The following PHC2 variants were observed in gnomAD, a reference collection of about 807,000 sequenced individuals.
PHC2 encodes polyhomeotic homolog 2.
A neutral mutation model predicts 87.4 loss-of-function variants in PHC2; 29 were observed. The ratio of observed to expected loss-of-function variants is 0.33; its 90% CI spans 0.25 to 0.45. The LOEUF (loss-of-function observed/expected upper bound fraction) is 0.45. PHC2 is among the 20% of genes least tolerant of loss of function. The probability of loss-of-function intolerance (pLI) is 1.00; values close to 1 mark genes in which losing one functional copy is unlikely to be tolerated. For missense variants in PHC2, 857 were observed against 1,136.7 expected (o/e 0.75, Z 3.54); for synonymous variants, 438 against 461.7 (o/e 0.95, Z 0.66).
chr1:33,341,340 T>C (rs1291921469), intron 9 of PHC2, among the ~76,000 whole-genome samples: 2 of 152,202 alleles, frequency 1.3e-5, no homozygotes, highest in Non-Finnish European at 2.9e-5. Flanking sequence ...TAGCCGTGGA[T>C]AGCACGAGGG....
rs200111745 is a variant in PHC2, at chr1:33,335,996, G to GTTT, written c.1559-1707_1559-1705dup. ...TGTTTTTGTTGTTGTTGTTGTTGTT[G>GTTT]TTTTTTTTTTTAGATGGAGTCTCAC... On this transcript the variant is annotated intron_variant, in intron 9 of 14. Transcript: ENST00000683057. Among the ~76,000 whole-genome samples, 16 of 146,588 alleles carry GTTT rather than the reference G, an allele frequency of 1.1e-4. No individual in the cohort carries two copies. The East Asian group carries it at 2.8e-3, about 26-fold the overall frequency.
chr1:33,387,034 C>A (rs1648796737), intron 1 of PHC2, among the ~76,000 whole-genome samples: 1 of 152,220 alleles, frequency 6.6e-6, no homozygotes, highest in African/African-American at 2.4e-5. Flanking sequence ...ACACAGGGAT[C>A]ATGGGAAGTG....
intron 3 of PHC2, among the ~76,000 whole-genome samples, 176 bp from the exon 4 acceptor site, chr1:33,371,270 G>C (rs989199113): frequency 7.2e-5 from 11 of 152,270 alleles, no homozygotes; most frequent in African/African-American, 2.6e-4. Flanking sequence ...TCTGTGAATA[G>C]GTGAGGATGC....
At chr1:33,410,930 T>TA (rs1179627524) in intron 1 of PHC2, among the ~76,000 whole-genome samples, 1 of 152,218 alleles carries the variant, frequency 6.6e-6, no homozygotes. Flanking sequence ...GCAAGCATGA[T>TA]AAATCAAGGC....
chr1:33,373,895 G>A (rs1648009534), intron 2 of PHC2, among the ~76,000 whole-genome samples: 1 of 152,084 alleles, frequency 6.6e-6, no homozygotes. Context: ...GGACAAAACA[G>A]CCTCTGGCTC....
At chr1:33,354,654 A>G (rs1647034584) in intron 8 of PHC2, 88 bp from the exon 9 acceptor site, 2 of 1,436,160 alleles carry the variant, frequency 1.4e-6, no homozygotes, top group Non-Finnish European at 1.9e-6. Context: ...GAGCTTGGGA[A>G]GCAGGTAAGG....
chr1:33,334,399 C>G lies in PHC2; in HGVS notation c.1559-107G>C. The G allele has an allele frequency of 2.1e-6, 2 of 970,714 alleles. No individual in the cohort carries two copies. The highest frequency in any genetic ancestry group is 3.1e-6 in the Non-Finnish European group (2 of 639,968). 60.1% of individuals were successfully genotyped at this position (970,714 alleles called of 1,614,324 possible). On this transcript the variant is annotated intron_variant, in intron 9 of 14. Transcript: ENST00000683057. The surrounding 1 kb of genome is among the most constrained non-coding windows in gnomAD (Gnocchi z 5.5). ...ACTGCGCCCGGCTTTTACCGTGGGG[C>G]CAAGCGACAATGCAAACCAAGCAGT... is the stretch of plus-strand genomic sequence containing the variant.
chr1:33,377,686 A>G (rs1239425627), intron 1 of PHC2, among the ~76,000 whole-genome samples: 1 of 151,752 alleles, frequency 6.6e-6, no homozygotes, highest in Non-Finnish European at 1.5e-5. Context: ...GAGTATACCC[A>G]TTTAATAGGT....
rs557117166 is a variant in PHC2, at chr1:33,368,002, G to A, written c.663+534C>T. 9.0e-4 allele frequency among the ~76,000 whole-genome samples: 137 copies of A among 152,260 alleles called. No homozygotes were observed. The highest frequency in any genetic ancestry group is 2.0e-3 in the Admixed American group (31 of 15,298). ...CTCTGAAAATCCGGCTACCAGCCCT[G>A]TCCCATCACCCTCCCCATTCCGTAG... is the stretch of plus-strand genomic sequence containing the variant. On this transcript the variant is annotated intron_variant, in intron 6 of 14. Coordinates refer to ENST00000683057, the MANE Select transcript of PHC2 (RefSeq NM_001385109.1). This position sits in a 1 kb window ranked among gnomAD's most constrained non-coding sequence, Gnocchi z 6.6.
intron 1 of PHC2, among the ~76,000 whole-genome samples, chr1:33,410,846 TACTC>T (rs755155051): frequency 1.3e-4 from 20 of 152,256 alleles, no homozygotes; most frequent in East Asian, 9.6e-4. Flanking sequence ...GGACTGGAAA[TACTC>T]AGTAACAAAC....
intron 1 of PHC2, among the ~76,000 whole-genome samples, chr1:33,412,122 A>G (rs919623470): frequency 6.6e-6 from 1 of 152,224 alleles, no homozygotes; most frequent in African/African-American, 2.4e-5. Context: ...AAAGGTTTAA[A>G]GATTAGAAAG....
intron 9 of PHC2, chr1:33,346,232 G>A: frequency 1.3e-6 from 1 of 797,562 alleles, no homozygotes. Context: ...GGACTGGGGG[G>A]AGGTGGGGAG....
At chr1:33,392,916 T>C (rs1570505173) in intron 1 of PHC2, among the ~76,000 whole-genome samples, 1 of 152,250 alleles carries the variant, frequency 6.6e-6, no homozygotes, top group East Asian at 1.9e-4. Context: ...TTGGAGAAAT[T>C]GCAGGGTAAC....
At chr1:33,333,912 C>G in intron 10 of PHC2, 178 bp downstream of exon 10, 2 of 622,832 alleles carry the variant, frequency 3.2e-6, no homozygotes, top group Non-Finnish European at 2.8e-6. Context: ...CCCCCCTCTT[C>G]TGGACCTTGG....
chr1:33,356,782 G>A (rs1647096254), intron 7 of PHC2, among the ~76,000 whole-genome samples: 1 of 152,094 alleles, frequency 6.6e-6, no homozygotes, highest in Admixed American at 6.5e-5. Context: ...CGTCATCATG[G>A]CCCGTTCTCA....
At chr1:33,367,790 G>T (rs1490006288) in intron 6 of PHC2, among the ~76,000 whole-genome samples, 1 of 152,176 alleles carries the variant, frequency 6.6e-6, no homozygotes, top group Non-Finnish European at 1.5e-5. Flanking sequence ...TTCCCAGTGA[G>T]GGGGAGCATG....
At position 33,370,661 on chromosome 1, in the gene PHC2, TC is replaced by T. The variant is rs1429316899; in HGVS notation, c.412-77del. The T allele has an allele frequency of 3.6e-6, 5 of 1,396,230 alleles. No individual in the cohort carries two copies. In the East Asian group the frequency reaches 9.9e-5, roughly 28 times the overall value. 86.5% of individuals were successfully genotyped at this position (1,396,230 alleles called of 1,614,324 possible). ...TGTGTCCCCCTCATCCATTTCTTTC[TC>T]CCCCCTCTTTTGCTCCTTGGTTTAT... is the stretch of plus-strand genomic sequence containing the variant. On this transcript the variant is annotated intron_variant, in intron 4 of 14. Transcript: ENST00000683057.
At chr1:33,403,859 T>C (rs1304675539) in intron 1 of PHC2, among the ~76,000 whole-genome samples, 3 of 152,212 alleles carry the variant, frequency 2.0e-5, no homozygotes, top group Non-Finnish European at 4.4e-5. Flanking sequence ...CATGAAACCA[T>C]ATTCTCCTGA....
intron 1 of PHC2, among the ~76,000 whole-genome samples, chr1:33,419,923 A>C (rs1650367007): frequency 6.6e-6 from 1 of 151,928 alleles, no homozygotes; most frequent in Non-Finnish European, 1.5e-5. Context: ...CTCTCTTATA[A>C]GGACACTTGT....
Sources: allele counts gnomAD v4.1 joint callset (sites outside exome capture counted in the v4.1 genomes callset), GRCh38; gene constraint gnomAD v4.1.1; non-coding constraint Gnocchi (gnomAD v3.1); transcripts MANE v1.5; gene names NCBI Gene and HGNC (gene_info 2026-07-23, HGNC 2026-07-21).